Variants in MTARC2 observed in about 807,000 individuals in gnomAD.
MTARC2 encodes the protein mitochondrial amidoxime reducing component 2.
Under a neutral mutation model 35.6 loss-of-function variants are expected in MTARC2, and 27 were observed. The observed-to-expected ratio is 0.76, with a 90% CI of 0.56 to 1.04. The LOEUF (loss-of-function observed/expected upper bound fraction) is 1.04, where lower values mean the gene tolerates loss of function less well. MTARC2 is among the 50% of genes least tolerant of loss of function. The pLI is 0.00. For synonymous variants in MTARC2, 158 were observed against 167.1 expected, an observed-to-expected ratio of 0.95 and a Z score of 0.42; for missense variants, 412 against 432.5, an observed-to-expected ratio of 0.95 and a Z score of 0.42.
chr1:220,780,389 G>C (rs1234628758), intron 6 of MTARC2, 150 bp downstream of exon 6: 1 of 614,830 alleles, frequency 1.6e-6, no homozygotes, highest in Non-Finnish European at 2.8e-6. Flanking sequence ...CGCGTCTATT[G>C]GTTAATGAGA....
intron 3 of MTARC2, 115 bp from the exon 4 acceptor site, chr1:220,762,795 C>A: frequency 9.0e-7 from 1 of 1,115,428 alleles, no homozygotes; most frequent in Non-Finnish European, 1.3e-6. Flanking sequence ...TTCCTGAACA[C>A]TGCTCCCCTC....
chr1:220,755,342 C>A (rs960679370), intron 2 of MTARC2, among the ~76,000 whole-genome samples: 12 of 152,192 alleles, frequency 7.9e-5, no homozygotes, highest in Non-Finnish European at 1.8e-4. Flanking sequence ...TGGTTAGACA[C>A]GCAGACATAG....
intron 4 of MTARC2, among the ~76,000 whole-genome samples, chr1:220,777,138 GT>G (rs1229623133): frequency 1.3e-5 from 2 of 152,216 alleles, no homozygotes; most frequent in African/African-American, 4.8e-5. Flanking sequence ...TGTACACGCA[GT>G]TATCCTCAAC....
At chr1:220,754,193 T>C (rs1301094303) in intron 1 of MTARC2, among the ~76,000 whole-genome samples, 2 of 152,208 alleles carry the variant, frequency 1.3e-5, no homozygotes, top group East Asian at 1.9e-4. Flanking sequence ...ACCTATATGC[T>C]AGGCTGTAGG....
rs371618763 is a variant in MTARC2 at position 220,781,762 on chromosome 1, T to A, written c.885-16T>A. On this transcript the variant is annotated splice_polypyrimidine_tract_variant and intron_variant, in intron 6 of 7. Coordinates refer to ENST00000366913, the MANE Select transcript of MTARC2 (RefSeq NM_017898.5). The stretch of plus-strand genomic sequence containing the variant: ...TTCCTTTTTGTGTCTGATGATTGAA[T>A]TTTTGCTTGTTTCAGCTACCGCCTG... The A allele has an allele frequency of 5.0e-6, 8 of 1,613,754 alleles. No individual in the cohort carries two copies. The African/African-American group carries it at 1.1e-4, about 22-fold the overall frequency.
chr1:220,764,333 T>C (rs1671521274), intron 4 of MTARC2, among the ~76,000 whole-genome samples: 1 of 152,148 alleles, frequency 6.6e-6, no homozygotes, highest in Admixed American at 6.5e-5. Flanking sequence ...CCTCAGGTGA[T>C]CCACCTGCTT....
chr1:220,755,052 G>C lies in MTARC2; in HGVS notation c.378G>C (p.Arg126Ser), dbSNP rs1157065323. 1 of 1,612,976 alleles carries C rather than the reference G, an allele frequency of 6.2e-7. No homozygotes were observed. The highest frequency in any genetic ancestry group is 1.1e-5 in the South Asian group (1 of 90,836). The change falls in exon 2 of 8, where the codon AGG becomes AGC. Residue 126 changes from arginine (R) to serine (S), a missense_variant. Arg to Ser is a moderately radical substitution (Grantham distance 110). Transcript: ENST00000366913. ...ATGAGAATAACTGCCTGATCTTCAG[G>C]GCTCCAGACATGGACCAGCTGGTTT... is the stretch of plus-strand genomic sequence containing the variant. ...IIYENNCLIF[R>S]APDMDQLVLP...
At chr1:220,761,911 C>G in intron 3 of MTARC2, 91 bp downstream of exon 3, 1 of 1,277,428 alleles carries the variant, frequency 7.8e-7, no homozygotes, top group Non-Finnish European at 1.1e-6. Flanking sequence ...CTCTTGGGAC[C>G]TCAGTTAAGA....
At chr1:220,750,320 A>G (rs541882754) in intron 1 of MTARC2, among the ~76,000 whole-genome samples, 1 of 152,302 alleles carries the variant, frequency 6.6e-6, no homozygotes, top group African/African-American at 2.4e-5. Context: ...GTCCAGAGAA[A>G]ATTAGTGTTG....
intron 4 of MTARC2, among the ~76,000 whole-genome samples, chr1:220,773,383 G>GA (rs1354030132): frequency 6.6e-6 from 1 of 152,222 alleles, no homozygotes; most frequent in Admixed American, 6.5e-5. Context: ...CCTTGCCCTA[G>GA]ACAGCATTTC....
chr1:220,763,969 TGA>T (rs1558068703), intron 4 of MTARC2, among the ~76,000 whole-genome samples: 2 of 152,094 alleles, frequency 1.3e-5, no homozygotes, highest in Non-Finnish European at 2.9e-5. Flanking sequence ...AGAGCTGGGG[TGA>T]CAATTCCAAT....
At chr1:220,762,466 C>A (rs10779415) in intron 3 of MTARC2, among the ~76,000 whole-genome samples, 1 of 152,000 alleles carries the variant, frequency 6.6e-6, no homozygotes, top group Non-Finnish European at 1.5e-5. Flanking sequence ...TCCTTGAGGG[C>A]AGGGGTTTTT....
In MTARC2 at chr1:220,769,612, T is replaced by TA. The variant is rs1319027002; in HGVS notation, c.750+6565dup. Among the ~76,000 whole-genome samples, 4 of 152,088 alleles carry TA rather than the reference T, an allele frequency of 2.6e-5. 1 individual carries two copies. The highest frequency in any genetic ancestry group is 4.8e-5 in the African/African-American group (2 of 41,408). The stretch of plus-strand genomic sequence containing the variant: ...TGTGCCTGGAGAGCAGAGTGGCCTT[T>TA]AAATCATCGTGAGCTTGGCCTTAAC... On this transcript the variant is annotated intron_variant, in intron 4 of 7. Transcript: ENST00000366913.
Position 220,768,094 on chromosome 1 carries a change from C to T in MTARC2, c.750+5044C>T, listed in dbSNP as rs139836771. ...AATCACGACTCACTGCTATTGAACA[C>T]TTACTACGTTACAGGCACCGTGCCA... On this transcript the variant is annotated intron_variant, in intron 4 of 7. Transcript: ENST00000366913. Among the ~76,000 whole-genome samples, 718 of 152,334 alleles carry T rather than the reference C, an allele frequency of 4.7e-3. 6 individuals are homozygous for T. The highest frequency in any genetic ancestry group is 7.7e-3 in the Non-Finnish European group (525 of 68,032).
chr1:220,748,465 C>G lies in MTARC2; in HGVS notation c.-67C>G. 1.5e-6 allele frequency: 2 copies of G among 1,331,804 alleles called. No individual in the cohort carries two copies. Among genetic ancestry groups the G allele is most frequent in the Non-Finnish European group, 1.9e-6 (2 of 1,048,250 alleles). 82.5% of individuals were successfully genotyped at this position (1,331,804 alleles called of 1,614,324 possible). A position where few individuals can be genotyped will look rare whatever the true frequency, so the allele number is the denominator to read the frequency against. ...CGCCTGCCCGGATCCTTAAGGGCCT[C>G]CTCGTCCTCCCGGTCTCCGGTCGCT... On this transcript the variant is annotated 5_prime_UTR_variant, in exon 1 of 8. Transcript: ENST00000366913.
intron 1 of MTARC2, among the ~76,000 whole-genome samples, chr1:220,754,588 A>G (rs1671225214): frequency 6.6e-6 from 1 of 152,182 alleles, no homozygotes. Flanking sequence ...CCACAGAGAC[A>G]TATTTAACAG....
In MTARC2 at chr1:220,775,537, T is replaced by C. The variant is rs140382083; in HGVS notation, c.751-4481T>C. On this transcript the variant is annotated intron_variant, in intron 4 of 7. Coordinates refer to ENST00000366913, the MANE Select transcript of MTARC2 (RefSeq NM_017898.5). The stretch of plus-strand genomic sequence containing the variant: ...ACTTATTTATTTTTATCTTTCCAAC[T>C]TTTATTTTAGGTGCAGGGGTACAGG... Among the ~76,000 whole-genome samples the C allele has an allele frequency of 7.5e-3, 1,137 of 152,322 alleles. 18 individuals carry two copies. Among genetic ancestry groups the C allele is most frequent in the African/African-American group, 0.026 (1,077 of 41,560 alleles).
Position 220,748,679 on chromosome 1 carries a change from C to T in MTARC2, c.148C>T (p.Arg50Trp), listed in dbSNP as rs1388054261. 1.9e-6 allele frequency: 3 copies of T among 1,585,252 alleles called. No individual in the cohort carries two copies. Among genetic ancestry groups the T allele is most frequent in the South Asian group, 1.1e-5 (1 of 88,024 alleles). ...CCGCGCATGGCCCAGGCGGCGCCGGCGGCTGCAGCAGGTGGGCACCGTGGC... is the reference window on the plus strand; with the variant it reads ...CCGCGCATGGCCCAGGCGGCGCCGGTGGCTGCAGCAGGTGGGCACCGTGGC... ...WRRAWPRRRR[R>W]LQQVGTVAKL... is the part of the protein sequence containing the mutation. The change falls in exon 1 of 8, where the codon CGG becomes TGG. Residue 50 changes from arginine to tryptophan, a missense_variant. Physicochemically the swap from Arg to Trp is moderately radical, Grantham distance 101. Transcript: ENST00000366913.
intron 7 of MTARC2, among the ~76,000 whole-genome samples, 175 bp from the exon 8 acceptor site, chr1:220,783,744 C>T (rs12039436): frequency 0.016 from 2,469 of 152,268 alleles, 43 homozygotes; most frequent in East Asian, 0.056. Context: ...GGTCAGCTGA[C>T]GTAGGGCCTG....
Sources: allele counts gnomAD v4.1 joint callset (sites outside exome capture counted in the v4.1 genomes callset), GRCh38; gene constraint gnomAD v4.1.1; transcripts MANE v1.5; gene names NCBI Gene and HGNC (gene_info 2026-07-23, HGNC 2026-07-21).